Variants in PITPNM3 observed in about 807,000 individuals in gnomAD.
PITPNM3 encodes PITPNM family member 3, also known as membrane-associated phosphatidylinositol transfer protein 3.
Under a neutral mutation model 102.0 loss-of-function variants are expected in PITPNM3, and 26 were observed. The ratio of observed to expected loss-of-function variants is 0.25; its 90% CI spans 0.19 to 0.35. PITPNM3 has a LOEUF of 0.35. Ranked by LOEUF, PITPNM3 falls within the 10% of genes least tolerant of loss-of-function variation. The pLI, the probability that PITPNM3 is intolerant of heterozygous loss-of-function variation, is 1.00. For synonymous variants in PITPNM3, 578 were observed against 558.6 expected (o/e 1.03, Z -0.49); for missense variants, 1,083 against 1,346.1 (o/e 0.80, Z 3.06).
At position 6,536,232 on chromosome 17, in the gene PITPNM3, A is replaced by G. The variant is rs185712672; in HGVS notation, c.118+1755T>C. 5.6e-4 allele frequency among the ~76,000 whole-genome samples: 86 copies of G among 152,348 alleles called. 2 individuals are homozygous for G. The East Asian group carries it at 0.015, about 27-fold the overall frequency. On this transcript the variant is annotated intron_variant, in intron 2 of 19. Transcript: ENST00000262483. ...TGGAGGGGCCAGGGAGACAGCCGTCAGCATGAGAAGCACTGCAGCTGCTCT... is the reference window on the plus strand; with the variant it reads ...TGGAGGGGCCAGGGAGACAGCCGTCGGCATGAGAAGCACTGCAGCTGCTCT...
chr17:6,555,356 A>C (rs1275610586), intron 1 of PITPNM3, among the ~76,000 whole-genome samples: 1 of 152,210 alleles, frequency 6.6e-6, no homozygotes, highest in Admixed American at 6.5e-5. Context: ...ATTGACACAC[A>C]GCCCGATGGT....
At chr17:6,471,450 T>C in intron 11 of PITPNM3, 95 bp from the exon 12 acceptor site, 1 of 1,249,982 alleles carries the variant, frequency 8.0e-7, no homozygotes, top group Non-Finnish European at 1.1e-6. Context: ...GGCTGGGCAC[T>C]TGGAGGAGTC....
intron 14 of PITPNM3, among the ~76,000 whole-genome samples, chr17:6,467,531 C>G (rs1904846941): frequency 6.6e-6 from 1 of 151,992 alleles, no homozygotes; most frequent in African/African-American, 2.4e-5. Flanking sequence ...ATATGTTTAC[C>G]AAAAAAGAGT....
chr17:6,474,329 T>A, intron 10 of PITPNM3, 103 bp downstream of exon 10: 3 of 1,421,248 alleles, frequency 2.1e-6, no homozygotes, highest in Non-Finnish European at 2.9e-6. Flanking sequence ...TCTGTGACCC[T>A]CCCTGCCCCT....
chr17:6,469,554 C>T lies in PITPNM3; in HGVS notation c.1773+706G>A, dbSNP rs188986309. Among the ~76,000 whole-genome samples, 14 of 152,324 alleles carry T rather than the reference C, an allele frequency of 9.2e-5. No individual in the cohort carries two copies. The highest frequency in any genetic ancestry group is 8.3e-4 in the South Asian group (4 of 4,824). ...CTGGGCTCCCGTCTTTCTCCTACAA[C>T]GCAGACAGCCACAAGCGCTCTCACC... On this transcript the variant is annotated intron_variant, in intron 13 of 19. Transcript: ENST00000262483. The surrounding 1 kb of genome is among the most constrained non-coding windows in gnomAD (Gnocchi z 4.0).
Position 6,556,287 on chromosome 17 carries a change from A to G in PITPNM3, c.22+98T>C. 9.1e-7 allele frequency: 1 copy of G among 1,099,584 alleles called. No homozygotes were observed. The highest frequency in any genetic ancestry group is 1.2e-6 in the Non-Finnish European group (1 of 823,814). The allele number at this position is 1,099,584 out of a possible 1,614,324, so 68.1% of individuals were successfully genotyped here. ...CTACGCCCTCCCGGGACCTCCGCCC[A>G]CCTGCGCGAGGGGTTCACCTGGGCC... On this transcript the variant is annotated intron_variant, in intron 1 of 19. Transcript: ENST00000262483. This position sits in a 1 kb window ranked among gnomAD's most constrained non-coding sequence, Gnocchi z 5.2.
At chr17:6,550,792 C>T (rs1028750082) in intron 1 of PITPNM3, among the ~76,000 whole-genome samples, 3 of 152,214 alleles carry the variant, frequency 2.0e-5, no homozygotes, top group Non-Finnish European at 4.4e-5. Context: ...GACTTCCAAA[C>T]ACAGGTCAAG....
At position 6,484,221 on chromosome 17, in the gene PITPNM3, T is replaced by A; in HGVS notation, c.346A>T (p.Ser116Cys). 6.2e-7 allele frequency: 1 copy of A among 1,608,256 alleles called. No homozygotes were observed. Among genetic ancestry groups the A allele is most frequent in the South Asian group, 1.1e-5 (1 of 90,972 alleles). ...CCCTCCGAAGCCCAGCCTACCTCGC[T>A]GTCTTCGTGGATCTCGATGCTTCCC... ...AQGSIEIHED[S>C]EEGCPQRSCK... is the part of the protein sequence containing the mutation. Residue 116 changes from serine to cysteine, a missense_variant, in exon 5 of 20, where the codon AGC becomes TGC. Ser to Cys is a moderately radical substitution (Grantham distance 112). This residue lies in a region of PITPNM3 where 290 missense variants were observed against 337.8 expected (regional missense o/e 0.86). Coordinates refer to ENST00000262483, the MANE Select transcript of PITPNM3 (RefSeq NM_031220.4).
intron 6 of PITPNM3, among the ~76,000 whole-genome samples, chr17:6,483,113 T>A (rs2150736959): frequency 6.6e-6 from 1 of 152,046 alleles, no homozygotes; most frequent in East Asian, 1.9e-4. Flanking sequence ...CCTGGCTAAT[T>A]TTTTATATTT....
Position 6,457,501 on chromosome 17 carries a change from A to T in PITPNM3, c.2619+93T>A. The T allele has an allele frequency of 2.0e-6, 3 of 1,532,040 alleles. No individual in the cohort carries two copies. The highest frequency in any genetic ancestry group is 1.5e-5 in the African/African-American group (1 of 67,734). 94.9% of individuals were successfully genotyped at this position (1,532,040 alleles called of 1,614,324 possible). ...GAATGAGCAAATGGGGGAATGAACA[A>T]ATGAATGAATGAATGAATGAAGTGC... is the stretch of plus-strand genomic sequence containing the variant. On this transcript the variant is annotated intron_variant, in intron 19 of 19. Transcript: ENST00000262483. The surrounding 1 kb of genome is among the most constrained non-coding windows in gnomAD (Gnocchi z 4.7).
chr17:6,497,441 G>A (rs1312479864), intron 4 of PITPNM3, among the ~76,000 whole-genome samples: 2 of 152,206 alleles, frequency 1.3e-5, no homozygotes. Context: ...CCAGGGGCTG[G>A]AGTTAGGACC....
Position 6,478,430 on chromosome 17 carries a change from G to A in PITPNM3, c.777+117C>T, listed in dbSNP as rs1905449320. On this transcript the variant is annotated intron_variant, in intron 7 of 19. Coordinates refer to ENST00000262483, the MANE Select transcript of PITPNM3 (RefSeq NM_031220.4). This position sits in a 1 kb window ranked among gnomAD's most constrained non-coding sequence, Gnocchi z 4.4. ...CAGAGATCTCAAAAGCCACCTTTGGGCTCAGAGGCTGATTCGAGAACAGCC... is the reference window on the plus strand; with the variant it reads ...CAGAGATCTCAAAAGCCACCTTTGGACTCAGAGGCTGATTCGAGAACAGCC... 4 of 1,325,270 alleles carry A rather than the reference G, an allele frequency of 3.0e-6. No homozygotes were observed. Among genetic ancestry groups the A allele is most frequent in the Non-Finnish European group, 4.2e-6 (4 of 944,168 alleles). The allele number at this position is 1,325,270 out of a possible 1,614,324, so 82.1% of individuals were successfully genotyped here. A position where few individuals can be genotyped will look rare whatever the true frequency, so the allele number is the denominator to read the frequency against.
chr17:6,512,975 G>A (rs1017677421), intron 3 of PITPNM3, among the ~76,000 whole-genome samples: 1 of 151,558 alleles, frequency 6.6e-6, no homozygotes. Flanking sequence ...TCCCAGGAAT[G>A]CAAAGTTATT....
intron 14 of PITPNM3, among the ~76,000 whole-genome samples, chr17:6,465,220 A>G (rs1056789727): frequency 2.0e-5 from 3 of 151,950 alleles, no homozygotes; most frequent in Non-Finnish European, 4.4e-5. Context: ...CTAATGTCAT[A>G]TTTTTAGTAG....
In PITPNM3 at chr17:6,538,819, CA is replaced by C. The variant is rs1909583762; in HGVS notation, c.23-738del. On this transcript the variant is annotated intron_variant, in intron 1 of 19. Transcript: ENST00000262483. ...CTGGCCCACAGTAACTGACAATAAA[CA>C]AGCATGGGGCGGGGGGTGGACATCC... is the stretch of plus-strand genomic sequence containing the variant. Among the ~76,000 whole-genome samples, 7 of 152,326 alleles carry C rather than the reference CA, an allele frequency of 4.6e-5. No individual in the cohort carries two copies. The South Asian group carries it at 1.5e-3, about 32-fold the overall frequency.
chr17:6,470,415 G>A lies in PITPNM3; in HGVS notation c.1625-7C>T, dbSNP rs755368965. The A allele has an allele frequency of 3.7e-6, 6 of 1,614,004 alleles. No individual in the cohort carries two copies. The highest frequency in any genetic ancestry group is 2.2e-5 in the East Asian group (1 of 44,894). On this transcript the variant is annotated splice_region_variant and splice_polypyrimidine_tract_variant and intron_variant, in intron 12 of 19. Coordinates refer to ENST00000262483, the MANE Select transcript of PITPNM3 (RefSeq NM_031220.4). The surrounding 1 kb of genome is among the most constrained non-coding windows in gnomAD (Gnocchi z 4.8). ...CCCCACCACTTGGCTGTGACTGTGG[G>A]TCGGAGAGGAAGGTGAGGATGCGTG...
intron 2 of PITPNM3, among the ~76,000 whole-genome samples, chr17:6,526,375 A>G (rs1043555796): frequency 1.3e-5 from 2 of 152,188 alleles, no homozygotes; most frequent in Non-Finnish European, 2.9e-5. Flanking sequence ...TTGCCGAAAA[A>G]CAGATGTGCC....
At chr17:6,527,822 C>G (rs1032906200) in intron 2 of PITPNM3, among the ~76,000 whole-genome samples, 2 of 152,226 alleles carry the variant, frequency 1.3e-5, no homozygotes, top group Admixed American at 1.3e-4. Context: ...AGGTATGCAG[C>G]AGGCACTCAG....
chr17:6,554,870 G>A (rs1174286130), intron 1 of PITPNM3, among the ~76,000 whole-genome samples: 2 of 152,232 alleles, frequency 1.3e-5, no homozygotes, highest in Admixed American at 6.5e-5. Context: ...ACAGTAAAGA[G>A]CTTAGCACTC....
Sources: allele counts gnomAD v4.1 joint callset (sites outside exome capture counted in the v4.1 genomes callset), GRCh38; gene constraint gnomAD v4.1.1; regional missense constraint gnomAD v4.1.1; non-coding constraint Gnocchi (gnomAD v3.1); transcripts MANE v1.5; gene names NCBI Gene and HGNC (gene_info 2026-07-23, HGNC 2026-07-21).